The following GRB2 variants were observed in gnomAD, a reference collection of about 807,000 sequenced individuals.
The protein encoded by GRB2 is growth factor receptor-bound protein 2.
GRB2 carries 2 observed loss-of-function variants against 27.4 expected under a neutral mutation model. The ratio of observed to expected loss-of-function variants is 0.07; its 90% CI spans 0.03 to 0.23. GRB2 has a LOEUF of 0.23. Among genes scored for constraint, GRB2 ranks in the 10% least tolerant of loss-of-function variants. The probability of loss-of-function intolerance (pLI) is 1.00; values close to 1 mark genes in which losing one functional copy is unlikely to be tolerated. For missense variants in GRB2, 102 were observed against 282.4 expected, an observed-to-expected ratio of 0.36 and a Z score of 4.58; for synonymous variants, 94 against 99.6, an observed-to-expected ratio of 0.94 and a Z score of 0.33.
At chr17:75,342,344 T>C (rs1269649182) in intron 2 of GRB2, among the ~76,000 whole-genome samples, 1 of 152,174 alleles carries the variant, frequency 6.6e-6, no homozygotes, top group Non-Finnish European at 1.5e-5. Flanking sequence ...AACTGACTTA[T>C]ATGTGGGGGC....
chr17:75,382,357 AT>A (rs2078934652), intron 2 of GRB2, among the ~76,000 whole-genome samples: 1 of 152,200 alleles, frequency 6.6e-6, no homozygotes. Context: ...AACTTTCACT[AT>A]GTTACTGCTA....
At chr17:75,355,447 C>T (rs2078725503) in intron 2 of GRB2, among the ~76,000 whole-genome samples, 1 of 151,794 alleles carries the variant, frequency 6.6e-6, no homozygotes, top group African/African-American at 2.4e-5. Flanking sequence ...TAAAAGCTTT[C>T]AAGCATAAAG....
intron 2 of GRB2, 88 bp from the exon 3 acceptor site, chr17:75,332,885 G>A: frequency 1.2e-6 from 1 of 809,724 alleles, no homozygotes; most frequent in Non-Finnish European, 2.0e-6. Context: ...TATCTTTTAG[G>A]TCTGTGAACG....
At chr17:75,379,631 C>T (rs1408702856) in intron 2 of GRB2, among the ~76,000 whole-genome samples, 3 of 152,030 alleles carry the variant, frequency 2.0e-5, no homozygotes, top group Admixed American at 1.3e-4. Context: ...AACTCCTGAG[C>T]TCAAGTGGTC....
rs143403187 is a variant in GRB2 at position 75,359,978 on chromosome 17, T to TAA, written c.79-27183_79-27182dup. Among the ~76,000 whole-genome samples the TAA allele has an allele frequency of 1.2e-3, 177 of 142,924 alleles. 1 individual carries two copies. The highest frequency in any genetic ancestry group is 3.4e-3 in the African/African-American group (129 of 38,216). The allele number at this position is 142,924 out of a possible 152,430, so 93.8% of individuals were successfully genotyped here. ...GTGTGTTACAAAGTTCTTTCTGTCT[T>TAA]AAAAAAAAAAAAAAAAAGACAGACT... On this transcript the variant is annotated intron_variant, in intron 2 of 5. Coordinates refer to ENST00000316804, the MANE Select transcript of GRB2 (RefSeq NM_002086.5).
intron 2 of GRB2, among the ~76,000 whole-genome samples, chr17:75,374,191 A>C (rs1437758893): frequency 6.6e-6 from 1 of 151,688 alleles, no homozygotes; most frequent in Non-Finnish European, 1.5e-5. Flanking sequence ...GGATCATCTG[A>C]GGTCAGGAGT....
At chr17:75,402,989 T>C (rs972008936) in intron 1 of GRB2, among the ~76,000 whole-genome samples, 5 of 138,632 alleles carry the variant, frequency 3.6e-5, no homozygotes, top group African/African-American at 1.4e-4. Context: ...GCAGAAGAAT[T>C]GCCCGAACCC....
In GRB2 at chr17:75,321,836, G is replaced by A. The variant is rs754304737; in HGVS notation, c.300-9C>T. 2.5e-6 allele frequency: 4 copies of A among 1,612,890 alleles called. No individual in the cohort carries two copies. In the East Asian group the frequency reaches 8.9e-5, roughly 36 times the overall value. On this transcript the variant is annotated splice_polypyrimidine_tract_variant and intron_variant, in intron 4 of 5. Coordinates refer to ENST00000316804, the MANE Select transcript of GRB2 (RefSeq NM_002086.5). Reference sequence around the variant, plus strand: ...GCACATCGTTTCCAAACCTGGGAGGGACAGAAAGCACATGTGACCGGCTAA... The same window carrying A: ...GCACATCGTTTCCAAACCTGGGAGGAACAGAAAGCACATGTGACCGGCTAA...
chr17:75,325,812 T>G, intron 4 of GRB2, 86 bp downstream of exon 4: 1 of 1,354,518 alleles, frequency 7.4e-7, no homozygotes, highest in South Asian at 1.2e-5. Context: ...CACCATTTTG[T>G]GTGTAGCCAG....
rs1011306434 is a variant in GRB2, at chr17:75,320,732, G to T, written c.469-179C>A. 2.0e-5 allele frequency among the ~76,000 whole-genome samples: 3 copies of T among 152,136 alleles called. No homozygotes were observed. Among genetic ancestry groups the T allele is most frequent in the Admixed American group, 1.3e-4 (2 of 15,252 alleles). On this transcript the variant is annotated intron_variant, in intron 5 of 5. Transcript: ENST00000316804. The surrounding 1 kb of genome is among the most constrained non-coding windows in gnomAD (Gnocchi z 4.3). ...TACCTATTCTAAGTTTACAGGCCAAGCGGGTTTAGTGTGATATTTCCCAGT... is the reference window on the plus strand; with the variant it reads ...TACCTATTCTAAGTTTACAGGCCAATCGGGTTTAGTGTGATATTTCCCAGT...
At chr17:75,402,685 A>G (rs1892168791) in intron 1 of GRB2, among the ~76,000 whole-genome samples, 1 of 152,220 alleles carries the variant, frequency 6.6e-6, no homozygotes. Context: ...TATGGATACT[A>G]AATTTTAAAT....
At chr17:75,379,269 G>A (rs1377427955) in intron 2 of GRB2, among the ~76,000 whole-genome samples, 1 of 151,972 alleles carries the variant, frequency 6.6e-6, no homozygotes, top group Non-Finnish European at 1.5e-5. Context: ...TTATTTATTT[G>A]CTTATTTAAT....
chr17:75,325,579 C>G (rs942379617), intron 4 of GRB2, among the ~76,000 whole-genome samples: 2 of 152,154 alleles, frequency 1.3e-5, no homozygotes, highest in Non-Finnish European at 2.9e-5. Context: ...CTCCACTATC[C>G]CATTAGAGAG....
rs1248093977 is a variant in GRB2, at chr17:75,405,643, G to A, written c.-292C>T. The stretch of plus-strand genomic sequence containing the variant: ...TGCCACAGCCGCCGCCGCCGCTGCC[G>A]CCGCCCGGTCGCCGAAGCAGCAATA... On this transcript the variant is annotated 5_prime_UTR_variant, in exon 1 of 6. Transcript: ENST00000316804. The A allele has an allele frequency of 1.2e-5, 2 of 162,476 alleles. No homozygotes were observed. The highest frequency in any genetic ancestry group is 1.8e-4 in the East Asian group (1 of 5,484). The allele number at this position is 162,476 out of a possible 1,614,324, so 10.1% of individuals were successfully genotyped here.
intron 2 of GRB2, chr17:75,338,708 T>G (rs2078598641): frequency 2.2e-6 from 1 of 465,002 alleles, no homozygotes; most frequent in Non-Finnish European, 3.9e-6. Context: ...GCAAAGAGAC[T>G]GAAAATAATG....
chr17:75,377,397 G>GTC (rs2078900946), intron 2 of GRB2, among the ~76,000 whole-genome samples: 1 of 151,970 alleles, frequency 6.6e-6, no homozygotes, highest in Non-Finnish European at 1.5e-5. Flanking sequence ...AAGGCAGGAG[G>GTC]ACTGCTTGAG....
chr17:75,353,360 C>T (rs1439279493), intron 2 of GRB2, among the ~76,000 whole-genome samples: 1 of 151,942 alleles, frequency 6.6e-6, no homozygotes, highest in Non-Finnish European at 1.5e-5. Flanking sequence ...GAAAAAAATC[C>T]GTGTATAAGC....
At chr17:75,376,871 C>T (rs2145859627) in intron 2 of GRB2, among the ~76,000 whole-genome samples, 1 of 151,600 alleles carries the variant, frequency 6.6e-6, no homozygotes, top group South Asian at 2.1e-4. Flanking sequence ...CAAACAAAAA[C>T]TAGTTGGGCA....
intron 3 of GRB2, among the ~76,000 whole-genome samples, chr17:75,328,887 G>A (rs1035776802): frequency 7.2e-5 from 11 of 152,072 alleles, no homozygotes; most frequent in African/African-American, 1.9e-4. Context: ...GCAGTGAGCC[G>A]AGATCGCGCC....
Sources: allele counts gnomAD v4.1 joint callset (sites outside exome capture counted in the v4.1 genomes callset), GRCh38; gene constraint gnomAD v4.1.1; non-coding constraint Gnocchi (gnomAD v3.1); transcripts MANE v1.5; gene names NCBI Gene and HGNC (gene_info 2026-07-23, HGNC 2026-07-21).